The following CNTN3 variants were observed in gnomAD, a reference collection of about 807,000 sequenced individuals.
CNTN3 encodes contactin 3.
In CNTN3, 60 loss-of-function variants were observed where a neutral mutation model predicts 119.1. That is an observed-to-expected ratio of 0.50 (90% CI 0.41 to 0.62). The LOEUF (loss-of-function observed/expected upper bound fraction) is 0.62, where lower values mean the gene tolerates loss of function less well. CNTN3 is among the 20% of genes least tolerant of loss of function. The pLI is 0.00. For missense variants in CNTN3, 1,101 were observed against 1,242.4 expected (o/e 0.89, Z 1.71); for synonymous variants, 450 against 438.7 (o/e 1.03, Z -0.32).
At chr3:74,583,970 G>A (rs192072172) in intron 1 of CNTN3, among the ~76,000 whole-genome samples, 1 of 152,080 alleles carries the variant, frequency 6.6e-6, no homozygotes, top group African/African-American at 2.4e-5. Flanking sequence ...TTTGAACCAA[G>A]GAACTAATTC....
intron 5 of CNTN3, among the ~76,000 whole-genome samples, chr3:74,399,928 C>A (rs989338714): frequency 1.3e-4 from 20 of 152,122 alleles, no homozygotes; most frequent in African/African-American, 4.8e-4. Flanking sequence ...AGACTATGAG[C>A]AACATGAAGG....
chr3:74,363,896 A>G (rs1171745383), intron 10 of CNTN3, among the ~76,000 whole-genome samples: 4 of 152,034 alleles, frequency 2.6e-5, no homozygotes. Flanking sequence ...TGGATTTTCA[A>G]TCATTTGTAA....
At chr3:74,469,893 A>G (rs1702529333) in intron 4 of CNTN3, among the ~76,000 whole-genome samples, 1 of 152,218 alleles carries the variant, frequency 6.6e-6, no homozygotes, top group East Asian at 1.9e-4. Context: ...CTGCATACAA[A>G]CATGTAAACA....
intron 1 of CNTN3, among the ~76,000 whole-genome samples, chr3:74,609,164 T>C (rs545334477): frequency 3.7e-4 from 57 of 152,200 alleles, no homozygotes; most frequent in Non-Finnish European, 7.5e-4. Flanking sequence ...CCATGTATTA[T>C]AGCTGGAGTG....
At chr3:74,589,681 A>C (rs1189591128) in intron 1 of CNTN3, among the ~76,000 whole-genome samples, 1 of 149,574 alleles carries the variant, frequency 6.7e-6, no homozygotes, top group African/African-American at 2.5e-5. Context: ...GGCACTATTC[A>C]CAATAGCAAA....
intron 1 of CNTN3, among the ~76,000 whole-genome samples, chr3:74,537,996 AT>A (rs1703789841): frequency 6.6e-6 from 1 of 152,118 alleles, no homozygotes; most frequent in Non-Finnish European, 1.5e-5. Flanking sequence ...CCCATGGCCC[AT>A]CCTTCTAAGT....
intron 4 of CNTN3, among the ~76,000 whole-genome samples, chr3:74,481,829 T>C (rs747179150): frequency 6.6e-6 from 1 of 151,720 alleles, no homozygotes; most frequent in Non-Finnish European, 1.5e-5. Context: ...TTTAAAAGTG[T>C]ACCAAGATAA....
intron 4 of CNTN3, among the ~76,000 whole-genome samples, chr3:74,461,664 T>C (rs916018928): frequency 2.6e-5 from 4 of 152,206 alleles, no homozygotes; most frequent in African/African-American, 9.6e-5. Flanking sequence ...TTCAATCCTT[T>C]TGTATCTACT....
At chr3:74,285,790 G>GATATAT (rs71129738) in intron 19 of CNTN3, among the ~76,000 whole-genome samples, 828 of 56,478 alleles carry the variant, frequency 0.015, 24 homozygotes, top group Non-Finnish European at 0.023. Context: ...ATGAAGGGGA[G>GATATAT]ATATATATAT....
chr3:74,286,076 G>A (rs970205343), intron 19 of CNTN3, among the ~76,000 whole-genome samples: 4 of 151,818 alleles, frequency 2.6e-5, no homozygotes, highest in Non-Finnish European at 5.9e-5. Flanking sequence ...ATGCTAATTT[G>A]GATTTGATAG....
At chr3:74,353,163 G>A (rs1703855545) in intron 11 of CNTN3, among the ~76,000 whole-genome samples, 1 of 152,126 alleles carries the variant, frequency 6.6e-6, no homozygotes, top group Admixed American at 6.5e-5. Flanking sequence ...TCAAGGGGAA[G>A]TGCCACCTAA....
At chr3:74,497,493 C>T (rs1234300459) in intron 3 of CNTN3, among the ~76,000 whole-genome samples, 2 of 151,816 alleles carry the variant, frequency 1.3e-5, no homozygotes, top group Non-Finnish European at 2.9e-5. Context: ...TCTGATATTT[C>T]TTAGAATGAA....
intron 3 of CNTN3, among the ~76,000 whole-genome samples, chr3:74,490,429 C>A (rs905887858): frequency 5.9e-5 from 9 of 152,130 alleles, no homozygotes; most frequent in African/African-American, 2.2e-4. Context: ...CTAAGCATGC[C>A]TGATGGCTTC....
intron 13 of CNTN3, among the ~76,000 whole-genome samples, chr3:74,329,558 G>C (rs376558895): frequency 1.1e-4 from 16 of 152,246 alleles, no homozygotes; most frequent in African/African-American, 3.9e-4. Context: ...ATGCATGTAA[G>C]TCCAAAAGTT....
At chr3:74,457,746 G>GA (rs572702576) in intron 4 of CNTN3, among the ~76,000 whole-genome samples, 58 of 151,574 alleles carry the variant, frequency 3.8e-4, no homozygotes, top group African/African-American at 1.1e-3. Flanking sequence ...CTTTCCTTAA[G>GA]AAAAAAAATG....
chr3:74,569,073 T>A (rs542186648), intron 1 of CNTN3, among the ~76,000 whole-genome samples: 243 of 152,286 alleles, frequency 1.6e-3, no homozygotes, highest in Non-Finnish European at 2.6e-3. Flanking sequence ...TATGGTACCT[T>A]GAACTTGGCA....
chr3:74,478,369 A>G (rs1269222781), intron 4 of CNTN3, among the ~76,000 whole-genome samples: 7 of 152,102 alleles, frequency 4.6e-5, no homozygotes, highest in African/African-American at 9.7e-5. Flanking sequence ...CCTCCCCCAC[A>G]CTAGAAGAGA....
chr3:74,560,758 A>G (rs1195627123), intron 1 of CNTN3, among the ~76,000 whole-genome samples: 2 of 152,158 alleles, frequency 1.3e-5, no homozygotes, highest in Non-Finnish European at 2.9e-5. Flanking sequence ...ACAATAGCAA[A>G]GACTTGGAAT....
chr3:74,362,775 T>C (rs571077755), intron 10 of CNTN3, among the ~76,000 whole-genome samples: 1 of 152,294 alleles, frequency 6.6e-6, no homozygotes, highest in South Asian at 2.1e-4. Flanking sequence ...ACCTACTGCA[T>C]TTCCCAAATA....
Sources: gnomAD v4.1 joint callset for allele counts (sites outside exome capture counted in the v4.1 genomes callset) on GRCh38, gnomAD v4.1.1 for gene constraint, MANE v1.5 for transcripts, NCBI Gene and HGNC (gene_info 2026-07-23, HGNC 2026-07-21) for gene names.